Variants in SLC6A6 observed in about 807,000 individuals in gnomAD.
SLC6A6 encodes the protein sodium- and chloride-dependent taurine transporter.
A neutral mutation model predicts 68.8 loss-of-function variants in SLC6A6; 16 were observed. That is an observed-to-expected ratio of 0.23 (90% CI 0.16 to 0.35). The LOEUF (loss-of-function observed/expected upper bound fraction) is 0.35. Among genes scored for constraint, SLC6A6 ranks in the 10% least tolerant of loss-of-function variants. SLC6A6 has a pLI of 1.00. For missense variants in SLC6A6, 474 were observed against 802.8 expected (o/e 0.59, Z 4.95); for synonymous variants, 312 against 315.4 (o/e 0.99, Z 0.12).
rs114207530 is a variant in SLC6A6 at position 14,460,162 on chromosome 3, T to G, written c.732+2080T>G. ...ATCATCACTTACTTACGCACTAGTA[T>G]TTTTTGAGCCTCTACCGTGTGCCAG... On this transcript the variant is annotated intron_variant, in intron 6 of 14. Coordinates refer to ENST00000622186, the MANE Select transcript of SLC6A6 (RefSeq NM_003043.6). Among the ~76,000 whole-genome samples the G allele has an allele frequency of 8.3e-3, 1,259 of 152,212 alleles. 20 individuals carry two copies. The highest frequency in any genetic ancestry group is 0.029 in the African/African-American group (1,191 of 41,532).
chr3:14,459,019 C>G (rs896327710), intron 6 of SLC6A6, among the ~76,000 whole-genome samples: 1 of 152,226 alleles, frequency 6.6e-6, no homozygotes. Flanking sequence ...AACCTAGACA[C>G]TGGCTGTTGT....
At position 14,485,083 on chromosome 3, in the gene SLC6A6, G is replaced by A; in HGVS notation, c.*76G>A. On this transcript the variant is annotated 3_prime_UTR_variant, in exon 15 of 15. Transcript: ENST00000622186. ...AGATTCTCATAGGACCAGGTTTACA[G>A]AGCTTTATATTTGCACTAGGATTTT... 7.6e-7 allele frequency: 1 copy of A among 1,308,554 alleles called. No individual in the cohort carries two copies. The highest frequency in any genetic ancestry group is 1.9e-4 in the Middle Eastern group (1 of 5,280). 81.1% of individuals were successfully genotyped at this position (1,308,554 alleles called of 1,614,324 possible).
rs1325900360 is a variant in SLC6A6 at position 14,479,105 on chromosome 3, G to C, written c.1471G>C (p.Gly491Arg). The change falls in exon 13 of 15, where the codon GGT (glycine) becomes CGT (arginine). Residue 491 changes from glycine to arginine, a missense_variant. Physicochemically the swap from Gly to Arg is moderately radical, Grantham distance 125. This residue lies in a region of SLC6A6 where 194 missense variants were observed against 269.8 expected (regional missense o/e 0.72). Transcript: ENST00000622186. ...TGCAGGAGGTGATAACCTTTATGAT[G>C]GTATTGAGGACATGATTGGCTATCG... Reference protein sequence around the residue: ...WIYGGDNLYDGIEDMIGYRPG... With the variant: ...WIYGGDNLYDRIEDMIGYRPG... 1 of 1,611,814 alleles carries C rather than the reference G, an allele frequency of 6.2e-7. No individual in the cohort carries two copies. Among genetic ancestry groups the C allele is most frequent in the African/African-American group, 1.3e-5 (1 of 74,850 alleles).
rs1701266940 is a variant in SLC6A6, at chr3:14,489,260, A to G, written c.*4253A>G. 6.6e-6 allele frequency: 1 copy of G among 152,554 alleles called. No homozygotes were observed. Among genetic ancestry groups the G allele is most frequent in the Admixed American group, 6.5e-5 (1 of 15,276 alleles). The allele number at this position is 152,554 out of a possible 1,614,324, so 9.5% of individuals were successfully genotyped here. ...TTTTGCTTTTTAGATAAATATGTAT[A>G]TCAATATTTTAAATTCATCTTTGCT... On this transcript the variant is annotated 3_prime_UTR_variant, in exon 15 of 15. Coordinates refer to ENST00000622186, the MANE Select transcript of SLC6A6 (RefSeq NM_003043.6).
At chr3:14,420,287 G>A (rs1699457158) in intron 2 of SLC6A6, among the ~76,000 whole-genome samples, 1 of 152,144 alleles carries the variant, frequency 6.6e-6, no homozygotes, top group Admixed American at 6.6e-5. Context: ...ACAAAAATTA[G>A]CTGTGCGTGA....
chr3:14,482,888 G>A (rs775496491), intron 14 of SLC6A6, among the ~76,000 whole-genome samples: 14 of 152,146 alleles, frequency 9.2e-5, no homozygotes, highest in Admixed American at 3.3e-4. Flanking sequence ...GGACAGGCAG[G>A]GAACAGTGAC....
intron 5 of SLC6A6, among the ~76,000 whole-genome samples, chr3:14,452,911 C>A (rs1033338551): frequency 6.6e-6 from 1 of 152,190 alleles, no homozygotes; most frequent in African/African-American, 2.4e-5. Flanking sequence ...AGGCTGGAGC[C>A]GTGCCTTCCT....
intron 1 of SLC6A6, among the ~76,000 whole-genome samples, chr3:14,410,242 C>T (rs1004571701): frequency 5.9e-5 from 9 of 151,800 alleles, no homozygotes; most frequent in Admixed American, 1.3e-4. Context: ...CCCTCCCAGC[C>T]GCACCCATCA....
chr3:14,436,934 G>C (rs947130942), intron 2 of SLC6A6, among the ~76,000 whole-genome samples: 1 of 152,190 alleles, frequency 6.6e-6, no homozygotes, highest in African/African-American at 2.4e-5. Flanking sequence ...CCGGCTTGCA[G>C]CTGGCTCCTT....
At chr3:14,419,748 C>T (rs1253378247) in intron 2 of SLC6A6, among the ~76,000 whole-genome samples, 1 of 152,162 alleles carries the variant, frequency 6.6e-6, no homozygotes, top group African/African-American at 2.4e-5. Flanking sequence ...CACATCAGTG[C>T]CAAGCACCCC....
chr3:14,449,257 G>T (rs1700201129), intron 5 of SLC6A6, among the ~76,000 whole-genome samples: 1 of 152,242 alleles, frequency 6.6e-6, no homozygotes, highest in African/African-American at 2.4e-5. Context: ...TATGCTCAGG[G>T]CAGGTCCTTA....
Position 14,458,031 on chromosome 3 carries a change from C to T in SLC6A6, c.681C>T (p.Val227=), listed in dbSNP as rs767698700. The T allele has an allele frequency of 1.2e-6, 2 of 1,613,852 alleles. No individual in the cohort carries two copies. Among genetic ancestry groups the T allele is most frequent in the South Asian group, 1.1e-5 (1 of 91,072 alleles). Residue 227 remains valine (V), a synonymous_variant, in exon 6 of 15, where the codon GTC becomes GTT. Coordinates refer to ENST00000622186, the MANE Select transcript of SLC6A6 (RefSeq NM_003043.6). Reference sequence around the variant, plus strand: ...ACCTCGCTCTCTGCCTTCTTTTAGTCTGGCTAGTGTGTTTCTTCTGCATCT... The same window carrying T: ...ACCTCGCTCTCTGCCTTCTTTTAGTTTGGCTAGTGTGTTTCTTCTGCATCT... The part of the protein sequence containing the change: ...KWDLALCLLL[V]WLVCFFCIWK...
intron 6 of SLC6A6, 27 bp downstream of exon 6, chr3:14,458,109 G>C (rs1341410467): frequency 1.2e-6 from 2 of 1,609,072 alleles, no homozygotes; most frequent in African/African-American, 1.3e-5. Context: ...TCCGTCCCCT[G>C]CCTCCTGGAG....
chr3:14,425,806 A>G (rs1168007126), intron 2 of SLC6A6, among the ~76,000 whole-genome samples: 6 of 152,206 alleles, frequency 3.9e-5, no homozygotes, highest in African/African-American at 9.6e-5. Context: ...TTTCATTGAG[A>G]TTGGTCACAC....
intron 1 of SLC6A6, among the ~76,000 whole-genome samples, chr3:14,413,225 C>T (rs2124900796): frequency 6.6e-6 from 1 of 152,334 alleles, no homozygotes; most frequent in Admixed American, 6.5e-5. Context: ...CAAGGAAGCA[C>T]CTTAGCCTCT....
chr3:14,473,883 A>G (rs1318206644), intron 10 of SLC6A6, among the ~76,000 whole-genome samples: 1 of 152,220 alleles, frequency 6.6e-6, no homozygotes, highest in Admixed American at 6.5e-5. Flanking sequence ...TCATGGGCCC[A>G]AAATAGGCCA....
At chr3:14,451,033 C>G (rs930257483) in intron 5 of SLC6A6, among the ~76,000 whole-genome samples, 7 of 152,222 alleles carry the variant, frequency 4.6e-5, no homozygotes, top group Admixed American at 6.5e-5. Flanking sequence ...CACTGTCACC[C>G]CCATGGGACC....
chr3:14,479,248 C>A, intron 13 of SLC6A6, 63 bp downstream of exon 13: 1 of 984,658 alleles, frequency 1.0e-6, no homozygotes, highest in Non-Finnish European at 1.7e-6. Context: ...ACATTTTCAC[C>A]CGCTAAACCA....
At position 14,461,150 on chromosome 3, in the gene SLC6A6, A is replaced by G. The variant is rs79674279; in HGVS notation, c.732+3068A>G. On this transcript the variant is annotated intron_variant, in intron 6 of 14. Coordinates refer to ENST00000622186, the MANE Select transcript of SLC6A6 (RefSeq NM_003043.6). ...AACTAGGCTGCCATTAATCCATTCA[A>G]CAAATAGTGATAACGGTGGCGAAAG... 1.5e-4 allele frequency among the ~76,000 whole-genome samples: 23 copies of G among 152,360 alleles called. No homozygotes were observed. The East Asian group carries it at 4.4e-3, about 29-fold the overall frequency.
Sources: allele counts gnomAD v4.1 joint callset (sites outside exome capture counted in the v4.1 genomes callset), GRCh38; gene constraint gnomAD v4.1.1; regional missense constraint gnomAD v4.1.1; transcripts MANE v1.5; gene names NCBI Gene and HGNC (gene_info 2026-07-23, HGNC 2026-07-21).